Variants in RBFOX1 observed in about 807,000 individuals in gnomAD.
RBFOX1 encodes RNA binding fox-1 homolog 1.
In RBFOX1, 8 loss-of-function variants were observed where a neutral mutation model predicts 57.7. The ratio of observed to expected loss-of-function variants is 0.14; its 90% confidence interval spans 0.08 to 0.25. The LOEUF is 0.25. Ranked by LOEUF, RBFOX1 falls within the 10% of genes least tolerant of loss-of-function variation. The pLI, the probability that RBFOX1 is intolerant of heterozygous loss-of-function variation, is 1.00. For missense variants in RBFOX1, 611 were observed against 548.5 expected, an observed-to-expected ratio of 1.11 and a Z score of -1.14; for synonymous variants, 326 against 222.4, an observed-to-expected ratio of 1.47 and a Z score of -4.15.
chr16:5,613,090 G>A (rs957325555), intron 3 of RBFOX1, among the ~76,000 whole-genome samples: 24 of 152,158 alleles, frequency 1.6e-4, no homozygotes, highest in African/African-American at 5.6e-4. Context: ...GGAGGTGATT[G>A]GATTTGCATT....
chr16:6,210,358 CACCA>C (rs1567684402), intron 1 of RBFOX1, among the ~76,000 whole-genome samples: 2 of 96,684 alleles, frequency 2.1e-5, no homozygotes, highest in Non-Finnish European at 4.0e-5. Flanking sequence ...AAAAAAAAAA[CACCA>C]AAAAAAAAAA....
At chr16:5,239,818 A>G (rs2062118359) in exon 1 of RBFOX1, 9 of 882,670 alleles carry the variant, frequency 1.0e-5, no homozygotes, top group Non-Finnish European at 1.2e-5. Context: ...CAGACGCCCC[A>G]GCTCCGCCGA....
intron 4 of RBFOX1, among the ~76,000 whole-genome samples, chr16:7,446,216 C>T (rs1163452869): frequency 1.3e-5 from 2 of 152,154 alleles, no homozygotes; most frequent in Non-Finnish European, 2.9e-5. Flanking sequence ...TTAAAGTTGG[C>T]TCTTGAGTCT....
At chr16:7,284,238 T>C (rs1336008884) in intron 4 of RBFOX1, among the ~76,000 whole-genome samples, 1 of 152,244 alleles carries the variant, frequency 6.6e-6, no homozygotes, top group Non-Finnish European at 1.5e-5. Flanking sequence ...TGTAAGCATT[T>C]ATGTACAGGT....
At chr16:7,031,869 C>T (rs940565926) in intron 3 of RBFOX1, among the ~76,000 whole-genome samples, 2 of 152,168 alleles carry the variant, frequency 1.3e-5, no homozygotes, top group East Asian at 1.9e-4. Flanking sequence ...GGGAGCTCCA[C>T]TACCTTGCCT....
At chr16:5,941,766 T>C (rs1340785938) in intron 4 of RBFOX1, among the ~76,000 whole-genome samples, 1 of 152,068 alleles carries the variant, frequency 6.6e-6, no homozygotes, top group Non-Finnish European at 1.5e-5. Context: ...CTAAAACCTC[T>C]TCCCGTGAGC....
chr16:6,086,826 C>G (rs2096092522), intron 1 of RBFOX1, among the ~76,000 whole-genome samples: 4 of 152,176 alleles, frequency 2.6e-5, no homozygotes, highest in Admixed American at 2.6e-4. Flanking sequence ...TCCCTAAGCA[C>G]CATTCAGTTG....
At chr16:6,875,820 C>T (rs546521743) in intron 3 of RBFOX1, among the ~76,000 whole-genome samples, 2 of 152,062 alleles carry the variant, frequency 1.3e-5, no homozygotes, top group East Asian at 3.9e-4. Flanking sequence ...GTCTGGGGAA[C>T]ATGGTGAAAC....
At chr16:6,731,571 G>C (rs1287546106) in intron 3 of RBFOX1, among the ~76,000 whole-genome samples, 1 of 152,104 alleles carries the variant, frequency 6.6e-6, no homozygotes, top group Admixed American at 6.5e-5. Context: ...GACCAGAATT[G>C]TGAGGCAATT....
intron 4 of RBFOX1, among the ~76,000 whole-genome samples, chr16:7,175,994 G>A (rs1049286492): frequency 6.6e-6 from 1 of 152,006 alleles, no homozygotes; most frequent in African/African-American, 2.4e-5. Context: ...GGAGGTGCGT[G>A]CTTAGCAGCC....
intron 4 of RBFOX1, among the ~76,000 whole-genome samples, chr16:5,874,664 G>C (rs778069404): frequency 1.3e-5 from 2 of 152,194 alleles, no homozygotes; most frequent in African/African-American, 2.4e-5. Flanking sequence ...AAGGAGAGCA[G>C]CTGGGCGAGG....
At chr16:5,415,979 G>C (rs1421715275) in intron 1 of RBFOX1, among the ~76,000 whole-genome samples, 1 of 152,204 alleles carries the variant, frequency 6.6e-6, no homozygotes, top group Non-Finnish European at 1.5e-5. Flanking sequence ...GGAGCTGAGA[G>C]CTGTAACGCA....
At chr16:7,138,041 A>T in intron 4 of RBFOX1, among the ~76,000 whole-genome samples, 1 of 152,190 alleles carries the variant, frequency 6.6e-6, no homozygotes, top group Non-Finnish European at 1.5e-5. Flanking sequence ...GAGGAGCTGG[A>T]ATTTTAGTCA....
At position 5,394,032 on chromosome 16, in the gene RBFOX1, CT is replaced by C. The variant is rs900215229; in HGVS notation, c.220-73177del. Among the ~76,000 whole-genome samples, 3 of 151,494 alleles carry C rather than the reference CT, an allele frequency of 2.0e-5. No individual in the cohort carries two copies. In the East Asian group the frequency reaches 5.8e-4, roughly 29 times the overall value. On this transcript the variant is annotated intron_variant, in intron 1 of 2. Coordinates refer to the RBFOX1 transcript ENST00000585867. Reference sequence around the variant, plus strand: ...ATAGCCATTTCTTTTTCTTTTTTTTCTTTTTTTCCGAGACAGTGTCTTACTC... The same window carrying C: ...ATAGCCATTTCTTTTTCTTTTTTTTCTTTTTTCCGAGACAGTGTCTTACTC...
intron 3 of RBFOX1, among the ~76,000 whole-genome samples, chr16:5,674,995 A>G (rs2050122611): frequency 6.6e-6 from 1 of 152,036 alleles, no homozygotes. Context: ...AAAAATTTTA[A>G]AAAATTAGCC....
At chr16:7,294,883 A>C (rs1332301541) in intron 4 of RBFOX1, among the ~76,000 whole-genome samples, 3 of 152,208 alleles carry the variant, frequency 2.0e-5, no homozygotes, top group Non-Finnish European at 4.4e-5. Context: ...TTTGTTCAAC[A>C]GACCAGAAAA....
chr16:6,241,111 C>G (rs1337420339), intron 1 of RBFOX1, among the ~76,000 whole-genome samples: 1 of 152,204 alleles, frequency 6.6e-6, no homozygotes, highest in Non-Finnish European at 1.5e-5. Context: ...CCAATCTCAA[C>G]AGTCTTTGGA....
chr16:5,391,756 C>G (rs913625408), intron 1 of RBFOX1, among the ~76,000 whole-genome samples: 1 of 151,760 alleles, frequency 6.6e-6, no homozygotes, highest in Admixed American at 6.6e-5. Flanking sequence ...TCTAGATTTC[C>G]TTTCTTAAAA....
intron 3 of RBFOX1, among the ~76,000 whole-genome samples, chr16:6,941,313 TC>T (rs1285309183): frequency 1.1e-5 from 1 of 90,038 alleles, no homozygotes; most frequent in African/African-American, 4.2e-5. Context: ...CTTCCTTCCT[TC>T]CTTCCTTCCT....
Sources: allele counts gnomAD v4.1 joint callset (sites outside exome capture counted in the v4.1 genomes callset), GRCh38; gene constraint gnomAD v4.1.1; transcripts MANE v1.5; gene names NCBI Gene and HGNC (gene_info 2026-07-23, HGNC 2026-07-21).